The following RALGAPA1 variants were observed in gnomAD, a reference collection of about 807,000 sequenced individuals.
The protein encoded by RALGAPA1 is Ral GTPase activating protein catalytic subunit alpha 1.
A neutral mutation model predicts 269.6 loss-of-function variants in RALGAPA1; 52 were observed. The ratio of observed to expected loss-of-function variants is 0.19; its 90% CI spans 0.15 to 0.24. The LOEUF (loss-of-function observed/expected upper bound fraction) is 0.24. RALGAPA1 is among the 10% of genes least tolerant of loss of function. The pLI, the probability that RALGAPA1 is intolerant of heterozygous loss-of-function variation, is 1.00. For missense variants in RALGAPA1, 1,917 were observed against 3,013.9 expected (o/e 0.64, Z 8.52); for synonymous variants, 817 against 1,008.3 (o/e 0.81, Z 3.60).
chr14:35,709,480 A>AC (rs2068103603), intron 16 of RALGAPA1, among the ~76,000 whole-genome samples: 1 of 151,954 alleles, frequency 6.6e-6, no homozygotes, highest in Non-Finnish European at 1.5e-5. Context: ...CTACAGATTT[A>AC]TTGGTTTTGT....
rs375321660 is a variant in RALGAPA1, at chr14:35,767,413, C to T, written c.325+3529G>A. On this transcript the variant is annotated intron_variant, in intron 4 of 41. Transcript: ENST00000680220. Reference sequence around the variant, plus strand: ...TAAAAAAACTAGAAACAGGGCCAGGCGCAGTGACTCACACCTGTAATCCTA... The same window carrying T: ...TAAAAAAACTAGAAACAGGGCCAGGTGCAGTGACTCACACCTGTAATCCTA... Among the ~76,000 whole-genome samples the T allele has an allele frequency of 1.1e-4, 16 of 152,206 alleles. No homozygotes were observed. In the South Asian group the frequency reaches 2.7e-3, roughly 26 times the overall value.
intron 1 of RALGAPA1, among the ~76,000 whole-genome samples, chr14:35,788,702 A>T (rs1263718170): frequency 6.6e-6 from 1 of 152,210 alleles, no homozygotes; most frequent in East Asian, 1.9e-4. Flanking sequence ...AGATTATCTT[A>T]TACCCTCTGC....
At chr14:35,675,900 AG>A in intron 22 of RALGAPA1, among the ~76,000 whole-genome samples, 1 of 152,330 alleles carries the variant, frequency 6.6e-6, no homozygotes, top group East Asian at 1.9e-4. Flanking sequence ...ATCACTTCTT[AG>A]TACATGTACA....
At chr14:35,666,114 C>T (rs1264546175) in intron 26 of RALGAPA1, among the ~76,000 whole-genome samples, 1 of 151,692 alleles carries the variant, frequency 6.6e-6, no homozygotes, top group Non-Finnish European at 1.5e-5. Flanking sequence ...CTCCCAGGGT[C>T]AAATGATCCT....
At chr14:35,806,839 T>C (rs79902422) in intron 1 of RALGAPA1, among the ~76,000 whole-genome samples, 1 of 152,208 alleles carries the variant, frequency 6.6e-6, no homozygotes, top group Admixed American at 6.5e-5. Flanking sequence ...TAAAAGACAC[T>C]AGTTTTTGTC....
intron 1 of RALGAPA1, among the ~76,000 whole-genome samples, chr14:35,790,837 G>T (rs1311999745): frequency 6.6e-6 from 1 of 152,032 alleles, no homozygotes; most frequent in Non-Finnish European, 1.5e-5. Flanking sequence ...TTAAACTTTT[G>T]TAACAGAAGT....
At chr14:35,720,964 C>A (rs1424516704) in intron 16 of RALGAPA1, among the ~76,000 whole-genome samples, 1 of 152,114 alleles carries the variant, frequency 6.6e-6, no homozygotes, top group African/African-American at 2.4e-5. Context: ...AGGTTACCTA[C>A]CTATTTAGTG....
At chr14:35,780,816 G>T (rs1023058896) in intron 1 of RALGAPA1, among the ~76,000 whole-genome samples, 14 of 152,098 alleles carry the variant, frequency 9.2e-5, no homozygotes, top group Non-Finnish European at 1.6e-4. Flanking sequence ...CATTGGCTGG[G>T]TGCGTTGGTT....
At chr14:35,714,522 C>G (rs1267594269) in intron 16 of RALGAPA1, among the ~76,000 whole-genome samples, 2 of 152,170 alleles carry the variant, frequency 1.3e-5, no homozygotes, top group Non-Finnish European at 2.9e-5. Context: ...TGCAATAACA[C>G]CAGCTCTCTA....
chr14:35,619,927 A>G (rs1223725335), intron 35 of RALGAPA1, among the ~76,000 whole-genome samples: 3 of 152,238 alleles, frequency 2.0e-5, no homozygotes, highest in Non-Finnish European at 4.4e-5. Context: ...ATTCACAGCC[A>G]AATTCTACCA....
chr14:35,567,011 C>T (rs2056770070), intron 39 of RALGAPA1, among the ~76,000 whole-genome samples: 1 of 151,564 alleles, frequency 6.6e-6, no homozygotes, highest in South Asian at 2.1e-4. Flanking sequence ...ATATACTACA[C>T]TCAGGTAGCA....
intron 35 of RALGAPA1, among the ~76,000 whole-genome samples, chr14:35,606,293 T>G (rs1370214780): frequency 6.6e-6 from 1 of 152,234 alleles, no homozygotes. Context: ...TACAGCCTAC[T>G]ACACAACCTT....
At chr14:35,632,039 A>G (rs768925436) in intron 33 of RALGAPA1, among the ~76,000 whole-genome samples, 83 of 152,170 alleles carry the variant, frequency 5.5e-4, no homozygotes, top group Non-Finnish European at 6.2e-4. Context: ...GAAAACACGT[A>G]AAGAATAAAT....
At chr14:35,708,490 A>G (rs755536490) in intron 16 of RALGAPA1, among the ~76,000 whole-genome samples, 8 of 152,194 alleles carry the variant, frequency 5.3e-5, no homozygotes, top group Non-Finnish European at 1.0e-4. Flanking sequence ...ACAAACAGGT[A>G]TGCGAAAAGG....
intron 41 of RALGAPA1, among the ~76,000 whole-genome samples, chr14:35,545,272 C>A (rs1318847402): frequency 6.6e-6 from 1 of 151,908 alleles, no homozygotes; most frequent in East Asian, 1.9e-4. Context: ...TTTTGATGAT[C>A]CATCCCACTC....
chr14:35,723,012 A>G lies in RALGAPA1; in HGVS notation c.2104+15T>C, dbSNP rs374946775. ...AAACAAATTTATATAGAGCATCTCT[A>G]TGAACAATTCTTACCTTTCCCTTTG... On this transcript the variant is annotated intron_variant, in intron 15 of 41. Coordinates refer to ENST00000680220, the MANE Select transcript of RALGAPA1 (RefSeq NM_001346249.2). 2.0e-4 allele frequency: 305 copies of G among 1,538,488 alleles called. No homozygotes were observed. The highest frequency in any genetic ancestry group is 2.7e-4 in the Non-Finnish European group (299 of 1,114,356).
chr14:35,624,208 TAAA>T (rs780017500), intron 35 of RALGAPA1, among the ~76,000 whole-genome samples: 8 of 87,108 alleles, frequency 9.2e-5, no homozygotes, highest in Non-Finnish European at 1.6e-4. Context: ...TCCAGTTCCG[TAAA>T]AAAAAAAAAA....
chr14:35,665,959 T>C (rs2063893376), intron 26 of RALGAPA1, among the ~76,000 whole-genome samples: 1 of 151,518 alleles, frequency 6.6e-6, no homozygotes, highest in Admixed American at 6.6e-5. Context: ...AGGGAGATGA[T>C]ATGAATGAAA....
At chr14:35,762,245 GT>G (rs528378682) in intron 5 of RALGAPA1, among the ~76,000 whole-genome samples, 260 of 148,054 alleles carry the variant, frequency 1.8e-3, no homozygotes, top group African/African-American at 5.6e-3. Flanking sequence ...CTCTTGCTAC[GT>G]TTTTTTTTTG....
Sources: gnomAD v4.1 joint callset for allele counts (sites outside exome capture counted in the v4.1 genomes callset) on GRCh38, gnomAD v4.1.1 for gene constraint, MANE v1.5 for transcripts, NCBI Gene and HGNC (gene_info 2026-07-23, HGNC 2026-07-21) for gene names.